The following ENAH variants were observed in gnomAD, a reference collection of about 807,000 sequenced individuals.
ENAH encodes protein enabled homolog.
A neutral mutation model predicts 78.7 loss-of-function variants in ENAH; 23 were observed. The ratio of observed to expected loss-of-function variants is 0.29; its 90% confidence interval spans 0.21 to 0.41. ENAH has a LOEUF of 0.41. ENAH is among the 10% of genes least tolerant of loss of function. The pLI, the probability that ENAH is intolerant of heterozygous loss-of-function variation, is 1.00. For synonymous variants in ENAH, 226 were observed against 241.0 expected (o/e 0.94, Z 0.58); for missense variants, 544 against 691.0 (o/e 0.79, Z 2.39).
intron 11 of ENAH, among the ~76,000 whole-genome samples, chr1:225,503,674 A>AAAAAC (rs2096301551): frequency 6.7e-6 from 1 of 150,114 alleles, no homozygotes; most frequent in Admixed American, 6.7e-5. Flanking sequence ...AAAAAAAAAA[A>AAAAAC]AAAACACAAA....
chr1:225,517,078 A>G, intron 6 of ENAH, 118 bp downstream of exon 6: 1 of 695,428 alleles, frequency 1.4e-6, no homozygotes, highest in Non-Finnish European at 2.2e-6. Flanking sequence ...GCATGGCATT[A>G]TGGCATATAA....
Position 225,517,252 on chromosome 1 carries a change from G to A in ENAH, c.857C>T (p.Ala286Val). Residue 286 changes from alanine to valine, a missense_variant, in exon 6 of 14, where the codon GCT (alanine) becomes GTT (valine). By Grantham distance (64) the Ala-to-Val change is moderately conservative (BLOSUM62 0). Transcript: ENST00000366843. ...PLNSVLGDSS[A>V]SEPGLQAASQ... is the part of the protein sequence containing the mutation. ...GGCTGCCTGCAAGCCTGGCTCAGAA[G>A]CAGAAGAGTCTCCCAGCACAGAGTT... 6.4e-7 allele frequency: 1 copy of A among 1,551,360 alleles called. No individual in the cohort carries two copies. Among genetic ancestry groups the A allele is most frequent in the African/African-American group, 1.4e-5 (1 of 73,230 alleles).
At chr1:225,647,758 C>A (rs992421988) in intron 1 of ENAH, among the ~76,000 whole-genome samples, 2 of 152,110 alleles carry the variant, frequency 1.3e-5, no homozygotes, top group African/African-American at 4.8e-5. Context: ...TGCTAGTGAA[C>A]AGATTCTATA....
chr1:225,642,073 C>T (rs998625903), intron 1 of ENAH, among the ~76,000 whole-genome samples: 4 of 151,710 alleles, frequency 2.6e-5, no homozygotes, highest in Non-Finnish European at 4.4e-5. Context: ...TGGTGACGCA[C>T]ACCTGTAATC....
chr1:225,550,424 A>ATTCCC (rs1376823253), intron 3 of ENAH, among the ~76,000 whole-genome samples: 2 of 152,192 alleles, frequency 1.3e-5, no homozygotes, highest in African/African-American at 4.8e-5. Context: ...ACAGTTTATA[A>ATTCCC]AAAATACGCT....
intron 1 of ENAH, among the ~76,000 whole-genome samples, chr1:225,647,980 A>C (rs1662276643): frequency 6.6e-6 from 1 of 152,180 alleles, no homozygotes; most frequent in South Asian, 2.1e-4. Context: ...TGTAAAGTGC[A>C]CTGGAACACA....
chr1:225,518,361 GT>G (rs932560384), intron 5 of ENAH, among the ~76,000 whole-genome samples: 3 of 151,832 alleles, frequency 2.0e-5, no homozygotes, highest in African/African-American at 7.3e-5. Flanking sequence ...AAATTTAGTT[GT>G]TTTTTTAAAA....
intron 3 of ENAH, among the ~76,000 whole-genome samples, chr1:225,534,037 A>G (rs905173159): frequency 2.0e-5 from 3 of 152,148 alleles, no homozygotes; most frequent in African/African-American, 4.8e-5. Context: ...GGTCAAATCA[A>G]TATTTTCTCT....
intron 1 of ENAH, among the ~76,000 whole-genome samples, chr1:225,590,174 TA>T (rs2096868530): frequency 6.8e-6 from 1 of 147,152 alleles, no homozygotes; most frequent in African/African-American, 2.5e-5. Flanking sequence ...CCATTTCAAC[TA>T]ATACCTGTTA....
intron 3 of ENAH, among the ~76,000 whole-genome samples, chr1:225,541,503 A>G (rs1385215917): frequency 6.6e-6 from 1 of 152,176 alleles, no homozygotes; most frequent in Non-Finnish European, 1.5e-5. Context: ...TGAATATACT[A>G]AAACCACTGA....
chr1:225,548,192 A>G (rs375418527), intron 3 of ENAH, among the ~76,000 whole-genome samples: 1 of 147,668 alleles, frequency 6.8e-6, no homozygotes. Context: ...AAGTTAATCC[A>G]TATAGAATTT....
chr1:225,558,136 T>C (rs2096677057), intron 2 of ENAH, among the ~76,000 whole-genome samples: 1 of 152,210 alleles, frequency 6.6e-6, no homozygotes, highest in Non-Finnish European at 1.5e-5. Context: ...AATTTTTACA[T>C]GTACTTTTAT....
chr1:225,499,307 A>G (rs1481296038), intron 12 of ENAH, among the ~76,000 whole-genome samples: 1 of 151,950 alleles, frequency 6.6e-6, no homozygotes, highest in Non-Finnish European at 1.5e-5. Context: ...GCTACTAGAA[A>G]AATTTTAAAA....
At chr1:225,598,552 C>T (rs1237765775) in intron 1 of ENAH, among the ~76,000 whole-genome samples, 5 of 151,142 alleles carry the variant, frequency 3.3e-5, no homozygotes, top group Middle Eastern at 3.4e-3. Flanking sequence ...TTTTTTTAAT[C>T]AACAGGAATA....
chr1:225,499,269 A>G (rs1203295752), intron 12 of ENAH, among the ~76,000 whole-genome samples: 1 of 151,538 alleles, frequency 6.6e-6, no homozygotes, highest in Non-Finnish European at 1.5e-5. Context: ...CTCTGTCTCA[A>G]AAAAAAAATA....
At chr1:225,567,216 T>C (rs374449165) in intron 2 of ENAH, 33 bp downstream of exon 2, 1 of 1,600,002 alleles carries the variant, frequency 6.2e-7, no homozygotes. Flanking sequence ...TAATACTAAA[T>C]CATTTTTAAC....
At chr1:225,632,688 T>C (rs1241049558) in intron 1 of ENAH, among the ~76,000 whole-genome samples, 1 of 152,268 alleles carries the variant, frequency 6.6e-6, no homozygotes, top group Non-Finnish European at 1.5e-5. Context: ...AGTTGAAATA[T>C]AATGCATGTA....
intron 4 of ENAH, among the ~76,000 whole-genome samples, chr1:225,528,295 T>C (rs1193533540): frequency 6.6e-6 from 1 of 151,084 alleles, no homozygotes; most frequent in Non-Finnish European, 1.5e-5. Flanking sequence ...TGGAGAAGAG[T>C]CTACAGAAAA....
intron 5 of ENAH, among the ~76,000 whole-genome samples, chr1:225,518,434 T>TA (rs1176017821): frequency 6.6e-6 from 1 of 152,244 alleles, no homozygotes; most frequent in Non-Finnish European, 1.5e-5. Context: ...TCAATGCTCC[T>TA]ATTCAATGCT....
Sources: allele counts gnomAD v4.1 joint callset (sites outside exome capture counted in the v4.1 genomes callset), GRCh38; gene constraint gnomAD v4.1.1; transcripts MANE v1.5; gene names NCBI Gene and HGNC (gene_info 2026-07-23, HGNC 2026-07-21).